Variants in MED13 observed in about 807,000 individuals in gnomAD.
MED13 encodes mediator complex subunit 13, also known as mediator of RNA polymerase II transcription subunit 13.
A neutral mutation model predicts 225.2 loss-of-function variants in MED13; 23 were observed. The observed-to-expected ratio is 0.10, with a 90% CI of 0.07 to 0.14. MED13 has a LOEUF of 0.14. Among genes scored for constraint, MED13 ranks in the 10% least tolerant of loss-of-function variants. MED13 has a pLI of 1.00. For synonymous variants in MED13, 942 were observed against 889.2 expected (o/e 1.06, Z -1.06); for missense variants, 2,197 against 2,594.5 (o/e 0.85, Z 3.33).
At chr17:62,000,223 T>C (rs561183926) in intron 9 of MED13, among the ~76,000 whole-genome samples, 1 of 152,320 alleles carries the variant, frequency 6.6e-6, no homozygotes, top group South Asian at 2.1e-4. Flanking sequence ...AAACAAAGCT[T>C]TGAATTTCTC....
At chr17:62,046,599 C>A (rs577307828) in intron 3 of MED13, among the ~76,000 whole-genome samples, 1 of 152,074 alleles carries the variant, frequency 6.6e-6, no homozygotes, top group Non-Finnish European at 1.5e-5. Flanking sequence ...TAGCACTTTG[C>A]GAGGCCAAAG....
intron 9 of MED13, among the ~76,000 whole-genome samples, chr17:62,002,161 G>A (rs1175199371): frequency 6.6e-6 from 1 of 152,084 alleles, no homozygotes; most frequent in African/African-American, 2.4e-5. Context: ...AATTGTAAGT[G>A]CTTCCAGAAA....
chr17:61,946,533 A>C lies in MED13; in HGVS notation c.6460T>G (p.Ser2154Ala). The C allele has an allele frequency of 3.1e-6, 5 of 1,613,966 alleles. No homozygotes were observed. Among genetic ancestry groups the C allele is most frequent in the Non-Finnish European group, 4.2e-6 (5 of 1,179,824 alleles). ...ACCACAAAATGAATTGGGAGACATG[A>C]GCGTCTGTCCTGGGTTGCAGGGTCA... ...TCDPATQDRR[S>A]CLPIHFVVLN... The change falls in exon 30 of 30, where the codon TCA becomes GCA. Residue 2154 changes from serine to alanine, a missense_variant. Transcript: ENST00000397786.
At chr17:62,039,030 A>G (rs1427340493) in intron 3 of MED13, among the ~76,000 whole-genome samples, 1 of 152,206 alleles carries the variant, frequency 6.6e-6, no homozygotes, top group Non-Finnish European at 1.5e-5. Flanking sequence ...ATAAAGGGAT[A>G]AATTGGTCTC....
intron 8 of MED13, among the ~76,000 whole-genome samples, chr17:62,022,176 T>A (rs11656420): frequency 0.26 from 29,351 of 114,390 alleles, 3,319 homozygotes; most frequent in Admixed American, 0.36. Flanking sequence ...AAAAAAAAAA[T>A]ATATATATAT....
intron 4 of MED13, 52 bp from the exon 5 acceptor site, chr17:62,034,036 A>C (rs546540813): frequency 6.8e-7 from 1 of 1,475,092 alleles, no homozygotes; most frequent in African/African-American, 1.4e-5. Context: ...GTTTTACCAA[A>C]TAAGAACACA....
At chr17:61,973,415 T>G (rs1459484459) in intron 16 of MED13, among the ~76,000 whole-genome samples, 1 of 152,208 alleles carries the variant, frequency 6.6e-6, no homozygotes, top group Non-Finnish European at 1.5e-5. Flanking sequence ...CATAAATATT[T>G]TATAAGCTTA....
intron 2 of MED13, among the ~76,000 whole-genome samples, chr17:62,055,561 G>A (rs962368599): frequency 2.6e-5 from 4 of 152,216 alleles, no homozygotes; most frequent in African/African-American, 9.6e-5. Context: ...GGTGGCTCAT[G>A]CCTATAATCC....
intron 9 of MED13, among the ~76,000 whole-genome samples, chr17:61,998,596 C>CTTTTTTTTTT (rs58261678): frequency 2.3e-4 from 27 of 115,538 alleles, no homozygotes; most frequent in African/African-American, 9.5e-4. Flanking sequence ...TTCCCACCGC[C>CTTTTTTTTTT]TTTTTTTTTT....
At position 62,026,970 on chromosome 17, in the gene MED13, C is replaced by T. The variant is rs141644142; in HGVS notation, c.1283+2571G>A. 5.3e-5 allele frequency among the ~76,000 whole-genome samples: 8 copies of T among 152,294 alleles called. No homozygotes were observed. In the East Asian group the frequency reaches 1.5e-3, roughly 29 times the overall value. ...AAAAAACAGAAAAACATTCCATGCT[C>T]ATGGATAGGAAGAATCAATATCCTT... On this transcript the variant is annotated intron_variant, in intron 8 of 29. Transcript: ENST00000397786.
chr17:62,015,140 C>T (rs1020769134), intron 8 of MED13, among the ~76,000 whole-genome samples: 1 of 152,098 alleles, frequency 6.6e-6, no homozygotes, highest in Non-Finnish European at 1.5e-5. Context: ...TTGTTTGAAT[C>T]CTAGTCAAAT....
chr17:61,957,927 C>T lies in MED13; in HGVS notation c.5481-1446G>A, dbSNP rs1033394312. On this transcript the variant is annotated intron_variant, in intron 23 of 29. Transcript: ENST00000397786. ...TCACTCAGGCTGGAGTGCAGTGGTG[C>T]GATCTCAGCTCACTGCAAGTTCCGC... Among the ~76,000 whole-genome samples, 35 of 151,034 alleles carry T rather than the reference C, an allele frequency of 2.3e-4. 1 individual carries two copies. The highest frequency in any genetic ancestry group is 2.2e-3 in the Admixed American group (33 of 15,168).
intron 19 of MED13, 49 bp from the exon 20 acceptor site, chr17:61,965,517 G>A (rs368768679): frequency 4.7e-6 from 7 of 1,503,730 alleles, no homozygotes; most frequent in Non-Finnish European, 6.3e-6. Context: ...TTCACTGACT[G>A]GTTTTTTTAA....
intron 8 of MED13, among the ~76,000 whole-genome samples, chr17:62,025,364 A>G: frequency 6.6e-6 from 1 of 152,198 alleles, no homozygotes. Flanking sequence ...ACTTTTAAAA[A>G]ACGTAAAAAT....
chr17:62,028,341 A>G (rs2080721989), intron 8 of MED13, among the ~76,000 whole-genome samples: 1 of 152,180 alleles, frequency 6.6e-6, no homozygotes, highest in African/African-American at 2.4e-5. Flanking sequence ...TAGCTAAATG[A>G]TGAGAACTCA....
intron 2 of MED13, among the ~76,000 whole-genome samples, chr17:62,060,391 G>C (rs985809576): frequency 1.3e-5 from 2 of 152,042 alleles, no homozygotes; most frequent in African/African-American, 2.4e-5. Flanking sequence ...GGGAGGCCAA[G>C]GCTGGCGGAT....
rs780635441 is a variant in MED13 at position 61,983,064 on chromosome 17, G to T, written c.2939C>A (p.Thr980Asn). 1 of 1,613,614 alleles carries T rather than the reference G, an allele frequency of 6.2e-7. No homozygotes were observed. The highest frequency in any genetic ancestry group is 1.7e-4 in the Middle Eastern group (1 of 5,976). ...AGGAGGCATCCCAAAAGAAGTATGA[G>T]TTTGAGGTGTATAAGCAGTGCCATA... ...QEYGTAYTPQ[T>N]HTSFGMPPSS... Residue 980 changes from threonine to asparagine, a missense_variant, in exon 16 of 30, where the codon ACT (threonine) becomes AAT (asparagine). Around this residue, in one of 12 missense-constraint regions of MED13, gnomAD observed 160 missense variants for 184.8 expected, o/e 0.87. Transcript: ENST00000397786.
At chr17:62,018,900 C>T (rs1389689533) in intron 8 of MED13, among the ~76,000 whole-genome samples, 1 of 152,104 alleles carries the variant, frequency 6.6e-6, no homozygotes, top group African/African-American at 2.4e-5. Context: ...ATCTATATAA[C>T]CCAGTGAACT....
At chr17:61,996,586 G>C (rs980747577) in intron 9 of MED13, among the ~76,000 whole-genome samples, 1 of 151,892 alleles carries the variant, frequency 6.6e-6, no homozygotes, top group Non-Finnish European at 1.5e-5. Context: ...TCTTTTATGG[G>C]GAACATTCTC....
Sources: allele counts gnomAD v4.1 joint callset (sites outside exome capture counted in the v4.1 genomes callset), GRCh38; gene constraint gnomAD v4.1.1; regional missense constraint gnomAD v4.1.1; transcripts MANE v1.5; gene names NCBI Gene and HGNC (gene_info 2026-07-23, HGNC 2026-07-21).